LEPR: variants seen among roughly 807,000 people sequenced by gnomAD.
The protein encoded by LEPR is leptin receptor, also known as OB receptor.
Under a neutral mutation model 114.7 loss-of-function variants are expected in LEPR, and 56 were observed. The ratio of observed to expected loss-of-function variants is 0.49; its 90% confidence interval spans 0.39 to 0.61. LEPR has a LOEUF of 0.61. Ranked by LOEUF, LEPR falls within the 20% of genes least tolerant of loss-of-function variation. LEPR has a pLI of 0.00. For missense variants in LEPR, 1,202 were observed against 1,352.9 expected (o/e 0.89, Z 1.75); for synonymous variants, 443 against 461.4 (o/e 0.96, Z 0.51).
At chr1:65,513,882 A>C (rs1649154826) in intron 2 of LEPR, among the ~76,000 whole-genome samples, 1 of 152,206 alleles carries the variant, frequency 6.6e-6, no homozygotes, top group Admixed American at 6.5e-5. Context: ...TTCAGGTGCA[A>C]GGAAATAAAA....
At chr1:65,420,772 T>C in intron 1 of LEPR, 32 bp downstream of exon 1, 6 of 1,570,774 alleles carry the variant, frequency 3.8e-6, no homozygotes, top group Non-Finnish European at 5.2e-6. Flanking sequence ...GCTTGTCGTG[T>C]GGTGGGGTTG....
intron 2 of LEPR, among the ~76,000 whole-genome samples, chr1:65,514,101 T>C (rs1339845126): frequency 6.6e-6 from 1 of 152,248 alleles, no homozygotes; most frequent in East Asian, 1.9e-4. Flanking sequence ...ATTTTTGCTC[T>C]TGGTATGAGA....
chr1:65,452,084 G>A (rs1646794104), intron 2 of LEPR, among the ~76,000 whole-genome samples: 1 of 151,944 alleles, frequency 6.6e-6, no homozygotes. Context: ...CTGTTTGTCT[G>A]TTATTGGTGT....
At chr1:65,521,631 T>A (rs145123447) in intron 2 of LEPR, among the ~76,000 whole-genome samples, 38 of 152,328 alleles carry the variant, frequency 2.5e-4, no homozygotes, top group African/African-American at 9.1e-4. Flanking sequence ...CTCAGAGACA[T>A]GTTAGGAATC....
At chr1:65,495,155 C>T (rs1330185157) in intron 2 of LEPR, among the ~76,000 whole-genome samples, 1 of 152,036 alleles carries the variant, frequency 6.6e-6, no homozygotes, top group Admixed American at 6.6e-5. Context: ...ATGTTTGCAA[C>T]CTATACATCC....
chr1:65,425,168 T>G (rs1165613702), intron 1 of LEPR, 135 bp from the exon 2 acceptor site: 2 of 692,776 alleles, frequency 2.9e-6, no homozygotes, highest in Non-Finnish European at 5.1e-6. Context: ...ATCACTACTA[T>G]CTAATTCCAG....
chr1:65,549,952 T>G (rs1298567506), intron 2 of LEPR, among the ~76,000 whole-genome samples: 1 of 152,210 alleles, frequency 6.6e-6, no homozygotes. Flanking sequence ...TTTTATCTAC[T>G]TTTGGTCTTT....
At chr1:65,626,442 A>G (rs745993928) in intron 19 of LEPR, 32 of 400,066 alleles carry the variant, frequency 8.0e-5, no homozygotes, top group Non-Finnish European at 1.0e-4. Flanking sequence ...CAGCTAACCC[A>G]CAAGATGCTT....
At chr1:65,432,344 G>T in intron 2 of LEPR, 1 of 985,134 alleles carries the variant, frequency 1.0e-6, no homozygotes, top group South Asian at 4.7e-5. Context: ...TAAAAGTGTG[G>T]CCCACAGACC....
chr1:65,530,965 TAC>T (rs35890970), intron 2 of LEPR, among the ~76,000 whole-genome samples: 102,431 of 151,692 alleles, frequency 0.68, 35,484 homozygotes, highest in Middle Eastern at 0.87. Flanking sequence ...CCCTCTTCAA[TAC>T]ATTCTCAAAA....
intron 2 of LEPR, chr1:65,526,301 C>T: frequency 1.0e-6 from 1 of 985,444 alleles, no homozygotes; most frequent in Non-Finnish European, 1.2e-6. Context: ...CTCCCCCCTT[C>T]CCTGCAAGCA....
At chr1:65,603,666 C>T (rs1383720001) in intron 10 of LEPR, among the ~76,000 whole-genome samples, 1 of 149,858 alleles carries the variant, frequency 6.7e-6, no homozygotes, top group Non-Finnish European at 1.5e-5. Flanking sequence ...TATAAACTGT[C>T]TGAAAACATT....
intron 2 of LEPR, among the ~76,000 whole-genome samples, chr1:65,512,481 A>G (rs1258595297): frequency 6.6e-6 from 1 of 152,188 alleles, no homozygotes; most frequent in Non-Finnish European, 1.5e-5. Context: ...TGAGCCTAGC[A>G]TAGTCATGTT....
chr1:65,494,406 T>A (rs888771778), intron 2 of LEPR, among the ~76,000 whole-genome samples: 1 of 152,114 alleles, frequency 6.6e-6, no homozygotes, highest in African/African-American at 2.4e-5. Flanking sequence ...GGCTTACGTC[T>A]CTTATAGTCA....
chr1:65,555,073 C>T (rs529983806), intron 2 of LEPR, among the ~76,000 whole-genome samples: 42 of 152,070 alleles, frequency 2.8e-4, no homozygotes, highest in Admixed American at 3.9e-4. Context: ...TGAGATGAGC[C>T]GGGTACCTCA....
chr1:65,620,512 A>T (rs1657812502), intron 17 of LEPR, among the ~76,000 whole-genome samples: 1 of 152,148 alleles, frequency 6.6e-6, no homozygotes, highest in Admixed American at 6.6e-5. Flanking sequence ...GATGGGCAAA[A>T]AATAATTATA....
chr1:65,553,445 A>C (rs1238344577), intron 2 of LEPR, among the ~76,000 whole-genome samples: 1 of 151,738 alleles, frequency 6.6e-6, no homozygotes, highest in Non-Finnish European at 1.5e-5. Flanking sequence ...TCTTGTCTTC[A>C]TGCTTTATTT....
chr1:65,520,851 A>G (rs766567511), intron 2 of LEPR, among the ~76,000 whole-genome samples: 9 of 152,242 alleles, frequency 5.9e-5, no homozygotes, highest in Admixed American at 1.3e-4. Flanking sequence ...TGCAGCATGA[A>G]TATGTCCTTA....
intron 2 of LEPR, among the ~76,000 whole-genome samples, chr1:65,498,596 A>G (rs977568176): frequency 3.3e-5 from 5 of 152,112 alleles, no homozygotes; most frequent in Admixed American, 2.6e-4. Context: ...CTCTTTTGCC[A>G]TGGCAACAAT....
Sources: gnomAD v4.1 joint callset for allele counts (sites outside exome capture counted in the v4.1 genomes callset) on GRCh38, gnomAD v4.1.1 for gene constraint, MANE v1.5 for transcripts, NCBI Gene and HGNC (gene_info 2026-07-23, HGNC 2026-07-21) for gene names.